Variants in KCNJ6 observed in about 807,000 individuals in gnomAD.
The protein encoded by KCNJ6 is G protein-activated inward rectifier potassium channel 2.
A neutral mutation model predicts 34.2 loss-of-function variants in KCNJ6; 9 were observed. That is an observed-to-expected ratio of 0.26 (90% CI 0.16 to 0.46). The LOEUF is 0.46. Among genes scored for constraint, KCNJ6 ranks in the 20% least tolerant of loss-of-function variants. The pLI, the probability that KCNJ6 is intolerant of heterozygous loss-of-function variation, is 1.00. For synonymous variants in KCNJ6, 196 were observed against 207.1 expected (o/e 0.95, Z 0.46); for missense variants, 236 against 531.3 (o/e 0.44, Z 5.46).
chr21:37,829,456 TCCTGGATGTCA>T (rs2055414599), intron 2 of KCNJ6, among the ~76,000 whole-genome samples: 2 of 152,130 alleles, frequency 1.3e-5, no homozygotes, highest in South Asian at 4.2e-4. Flanking sequence ...TGGTTGGGGC[TCCTGGATGTCA>T]CCTGGGCACC....
chr21:37,754,033 T>A (rs2835938), intron 2 of KCNJ6, among the ~76,000 whole-genome samples: 14,118 of 152,274 alleles, frequency 0.093, 1,530 homozygotes, highest in African/African-American at 0.26. Context: ...GATAGTTTTC[T>A]TGAATTTTTG....
chr21:37,826,442 A>G (rs1352872978), intron 2 of KCNJ6, among the ~76,000 whole-genome samples: 1 of 152,138 alleles, frequency 6.6e-6, no homozygotes, highest in Admixed American at 6.5e-5. Context: ...TCTCACTTGG[A>G]ATCTCATCAT....
intron 2 of KCNJ6, among the ~76,000 whole-genome samples, chr21:37,829,990 G>A (rs3787839): frequency 0.18 from 27,457 of 152,140 alleles, 2,513 homozygotes; most frequent in South Asian, 0.29. Context: ...GGAGAAAATG[G>A]CCAGCTCTGC....
At position 37,707,327 on chromosome 21, in the gene KCNJ6, G is replaced by T. The variant is rs770959447; in HGVS notation, c.946+6884C>A. Among the ~76,000 whole-genome samples, 119 of 152,288 alleles carry T rather than the reference G, an allele frequency of 7.8e-4. 2 individuals carry two copies. Among genetic ancestry groups the T allele is most frequent in the East Asian group, 3.9e-4 (2 of 5,176 alleles). On this transcript the variant is annotated intron_variant, in intron 3 of 3. Coordinates refer to ENST00000609713, the MANE Select transcript of KCNJ6 (RefSeq NM_002240.5). Reference sequence around the variant, plus strand: ...CCCGACTGCCCGGCCTCCTGTCCCCGCAAAGCTTTACTCTTTCTTGTTTTT... The same window carrying T: ...CCCGACTGCCCGGCCTCCTGTCCCCTCAAAGCTTTACTCTTTCTTGTTTTT...
At chr21:37,741,480 C>T (rs553723550) in intron 2 of KCNJ6, among the ~76,000 whole-genome samples, 1 of 152,264 alleles carries the variant, frequency 6.6e-6, no homozygotes, top group African/African-American at 2.4e-5. Flanking sequence ...CTCAGTGGTC[C>T]TCTCTCCTGC....
intron 3 of KCNJ6, among the ~76,000 whole-genome samples, chr21:37,632,082 A>G (rs2054336143): frequency 6.6e-6 from 1 of 152,104 alleles, no homozygotes; most frequent in African/African-American, 2.4e-5. Context: ...AAGAAGTATC[A>G]GAAAAGGAGG....
chr21:37,749,146 G>C (rs1228603160), intron 2 of KCNJ6, among the ~76,000 whole-genome samples: 3 of 152,100 alleles, frequency 2.0e-5, no homozygotes. Context: ...CTGAGCTGGG[G>C]CATGGGGTCA....
At chr21:37,846,615 G>C (rs2055509935) in intron 1 of KCNJ6, among the ~76,000 whole-genome samples, 1 of 152,040 alleles carries the variant, frequency 6.6e-6, no homozygotes, top group Admixed American at 6.5e-5. Flanking sequence ...AACTCATCAT[G>C]GTTGATATAT....
At chr21:37,875,885 G>A (rs941556345) in intron 1 of KCNJ6, among the ~76,000 whole-genome samples, 1 of 152,172 alleles carries the variant, frequency 6.6e-6, no homozygotes, top group Non-Finnish European at 1.5e-5. Context: ...CTCTAACAGC[G>A]TTGGAGGGTG....
At chr21:37,834,870 G>A (rs933141263) in intron 2 of KCNJ6, among the ~76,000 whole-genome samples, 5 of 152,190 alleles carry the variant, frequency 3.3e-5, no homozygotes, top group Non-Finnish European at 7.3e-5. Context: ...GCCTGTTTCT[G>A]GCTGGATGAA....
intron 2 of KCNJ6, among the ~76,000 whole-genome samples, chr21:37,784,184 A>G (rs913684016): frequency 5.9e-5 from 9 of 152,060 alleles, no homozygotes; most frequent in African/African-American, 1.9e-4. Context: ...ATGCACCATA[A>G]ACTCTTCTCA....
Position 37,879,506 on chromosome 21 carries a change from G to T in KCNJ6, c.-28+36378C>A, listed in dbSNP as rs2055695822. 2.0e-5 allele frequency among the ~76,000 whole-genome samples: 3 copies of T among 152,246 alleles called. No homozygotes were observed. In the South Asian group the frequency reaches 6.2e-4, roughly 32 times the overall value. ...GCTACTCCCAGCTCCATCCCTGCGT[G>T]AGTGATATCCAGGACTACACTAAGT... On this transcript the variant is annotated intron_variant, in intron 1 of 3. Coordinates refer to ENST00000609713, the MANE Select transcript of KCNJ6 (RefSeq NM_002240.5).
chr21:37,754,649 G>A (rs57612114), intron 2 of KCNJ6, among the ~76,000 whole-genome samples: 1,636 of 152,266 alleles, frequency 0.011, 25 homozygotes, highest in African/African-American at 0.037. Context: ...AGATTCCAAC[G>A]CTAATGAGCG....
intron 2 of KCNJ6, among the ~76,000 whole-genome samples, chr21:37,716,191 G>T (rs2054789691): frequency 6.6e-6 from 1 of 152,134 alleles, no homozygotes; most frequent in South Asian, 2.1e-4. Context: ...AAACATTTCT[G>T]GTTTTTGTCG....
chr21:37,859,545 GCT>G (rs2055584538), intron 1 of KCNJ6, among the ~76,000 whole-genome samples: 2 of 109,334 alleles, frequency 1.8e-5, no homozygotes, highest in African/African-American at 7.8e-5. Flanking sequence ...TACTTAAAAA[GCT>G]CTACAGATGA....
chr21:37,721,004 G>A (rs1441726203), intron 2 of KCNJ6, among the ~76,000 whole-genome samples: 2 of 152,140 alleles, frequency 1.3e-5, no homozygotes, highest in African/African-American at 4.8e-5. Context: ...ACCGCGCCCG[G>A]CCGAGAAAAC....
At chr21:37,775,034 T>A (rs1443831938) in intron 2 of KCNJ6, among the ~76,000 whole-genome samples, 1 of 152,208 alleles carries the variant, frequency 6.6e-6, no homozygotes, top group African/African-American at 2.4e-5. Flanking sequence ...TTTTTAATGA[T>A]CACCATTCTA....
chr21:37,639,065 T>TA (rs1236823045), intron 3 of KCNJ6, among the ~76,000 whole-genome samples: 2 of 152,242 alleles, frequency 1.3e-5, no homozygotes, highest in African/African-American at 4.8e-5. Context: ...AATGTACCAG[T>TA]AGGTGATGGA....
chr21:37,676,966 A>G (rs531493474), intron 3 of KCNJ6, among the ~76,000 whole-genome samples: 1 of 152,330 alleles, frequency 6.6e-6, no homozygotes, highest in South Asian at 2.1e-4. Context: ...TTGGGACCTG[A>G]GACCTTATTA....
Sources: gnomAD v4.1 joint callset for allele counts (sites outside exome capture counted in the v4.1 genomes callset) on GRCh38, gnomAD v4.1.1 for gene constraint, MANE v1.5 for transcripts, NCBI Gene and HGNC (gene_info 2026-07-23, HGNC 2026-07-21) for gene names.